The following OPCML variants were observed in gnomAD, a reference collection of about 807,000 sequenced individuals.
OPCML encodes opioid binding protein/cell adhesion molecule like, also known as opioid-binding protein/cell adhesion molecule.
In OPCML, 13 loss-of-function variants were observed where a neutral mutation model predicts 37.8. The observed-to-expected ratio is 0.34, with a 90% CI of 0.22 to 0.55. OPCML has a LOEUF of 0.55. Ranked by LOEUF, OPCML falls within the 20% of genes least tolerant of loss-of-function variation. The pLI, the probability that OPCML is intolerant of heterozygous loss-of-function variation, is 0.91. For synonymous variants in OPCML, 176 were observed against 168.8 expected, an observed-to-expected ratio of 1.04 and a Z score of -0.33; for missense variants, 341 against 435.6, an observed-to-expected ratio of 0.78 and a Z score of 1.93.
intron 3 of OPCML, among the ~76,000 whole-genome samples, chr11:132,653,747 G>C (rs138386036): frequency 6.6e-5 from 10 of 152,314 alleles, no homozygotes; most frequent in African/African-American, 2.4e-4. Flanking sequence ...TGGCAGGAGG[G>C]ATAAAGCTGA....
At chr11:132,629,793 C>T (rs1470570639) in intron 3 of OPCML, among the ~76,000 whole-genome samples, 5 of 151,912 alleles carry the variant, frequency 3.3e-5, no homozygotes, top group South Asian at 4.2e-4. Context: ...TAACTAGAAA[C>T]ATGTCAAGCA....
chr11:133,428,493 G>T (rs1946051265), intron 1 of OPCML, among the ~76,000 whole-genome samples: 1 of 152,142 alleles, frequency 6.6e-6, no homozygotes, highest in African/African-American at 2.4e-5. Context: ...GAACAATGTT[G>T]CTGATAGATA....
Position 132,749,841 on chromosome 11 carries a change from C to A in OPCML, c.147-92522G>T, listed in dbSNP as rs1945771009. On this transcript the variant is annotated intron_variant, in intron 2 of 7. Transcript: ENST00000524381. ...TTTTTAAAAAGGATAGTGAAACCTA[C>A]TTTAACCATTGAATTTGTTTATTTA... Among the ~76,000 whole-genome samples, 6 of 152,208 alleles carry A rather than the reference C, an allele frequency of 3.9e-5. No individual in the cohort carries two copies. The South Asian group carries it at 1.2e-3, about 32-fold the overall frequency.
chr11:132,503,353 G>T (rs1010064673), intron 4 of OPCML, among the ~76,000 whole-genome samples: 2 of 152,106 alleles, frequency 1.3e-5, no homozygotes, highest in Non-Finnish European at 2.9e-5. Context: ...AGCAGTCAGT[G>T]CACGTAGTAA....
intron 2 of OPCML, among the ~76,000 whole-genome samples, chr11:132,840,972 C>T (rs1024557682): frequency 6.6e-6 from 1 of 152,146 alleles, no homozygotes; most frequent in Non-Finnish European, 1.5e-5. Flanking sequence ...CACTGCCTCT[C>T]AGGGGCTGTG....
chr11:132,977,097 G>A (rs1011221198), intron 1 of OPCML, among the ~76,000 whole-genome samples: 1 of 152,170 alleles, frequency 6.6e-6, no homozygotes, highest in African/African-American at 2.4e-5. Flanking sequence ...TTATAGAAGT[G>A]GGATCATCAT....
chr11:132,923,119 C>T (rs1043521389), intron 2 of OPCML, among the ~76,000 whole-genome samples: 7 of 150,470 alleles, frequency 4.7e-5, no homozygotes, highest in Non-Finnish European at 8.9e-5. Flanking sequence ...ATAATATGGC[C>T]GGATAACCTG....
chr11:132,918,765 A>T (rs1368188408), intron 2 of OPCML, among the ~76,000 whole-genome samples: 1 of 151,864 alleles, frequency 6.6e-6, no homozygotes, highest in African/African-American at 2.4e-5. Flanking sequence ...CTTTTTCTCA[A>T]CTTACACGTG....
At chr11:133,129,886 T>C (rs1408973901) in intron 1 of OPCML, among the ~76,000 whole-genome samples, 1 of 151,880 alleles carries the variant, frequency 6.6e-6, no homozygotes, top group Non-Finnish European at 1.5e-5. Flanking sequence ...CCAGTCAGAA[T>C]GACAAAGCAA....
intron 4 of OPCML, among the ~76,000 whole-genome samples, chr11:132,494,513 C>T (rs1053791141): frequency 5.9e-5 from 9 of 152,034 alleles, no homozygotes; most frequent in African/African-American, 1.7e-4. Flanking sequence ...CTGCCTCTTT[C>T]CAGATTGATG....
At chr11:132,720,395 C>T (rs1433377029) in intron 2 of OPCML, among the ~76,000 whole-genome samples, 1 of 152,200 alleles carries the variant, frequency 6.6e-6, no homozygotes, top group East Asian at 1.9e-4. Flanking sequence ...CTACTTAGTG[C>T]AAGGAAAAGA....
At chr11:133,336,934 A>G (rs1051671280) in intron 1 of OPCML, among the ~76,000 whole-genome samples, 1 of 152,230 alleles carries the variant, frequency 6.6e-6, no homozygotes, top group Non-Finnish European at 1.5e-5. Context: ...ACAAATTGCT[A>G]CTTCATTATA....
intron 1 of OPCML, among the ~76,000 whole-genome samples, chr11:133,265,534 CATTA>C (rs1423764258): frequency 6.6e-6 from 1 of 152,144 alleles, no homozygotes; most frequent in African/African-American, 2.4e-5. Flanking sequence ...AGAAACTTAC[CATTA>C]ATTGTTTCTG....
At chr11:133,183,904 C>T (rs1414742968) in intron 1 of OPCML, among the ~76,000 whole-genome samples, 1 of 152,166 alleles carries the variant, frequency 6.6e-6, no homozygotes, top group Non-Finnish European at 1.5e-5. Flanking sequence ...CCATGATTTT[C>T]AATTACACCC....
At chr11:133,233,922 C>A (rs1394448043) in intron 1 of OPCML, among the ~76,000 whole-genome samples, 1 of 152,130 alleles carries the variant, frequency 6.6e-6, no homozygotes, top group Non-Finnish European at 1.5e-5. Context: ...ACCAATTGAC[C>A]AGCTCCCCAC....
intron 2 of OPCML, among the ~76,000 whole-genome samples, chr11:132,811,682 G>A (rs1939351228): frequency 6.6e-6 from 1 of 152,120 alleles, no homozygotes; most frequent in African/African-American, 2.4e-5. Context: ...ACCCCCAACA[G>A]CCTGCTGCCT....
chr11:133,003,575 A>G, intron 1 of OPCML: 3 of 878,522 alleles, frequency 3.4e-6, no homozygotes, highest in Non-Finnish European at 4.1e-6. Context: ...AACATTCGCA[A>G]GTTCCAGGAA....
chr11:133,083,025 C>T (rs1948760554), intron 1 of OPCML, among the ~76,000 whole-genome samples: 1 of 150,578 alleles, frequency 6.6e-6, no homozygotes, highest in South Asian at 2.1e-4. Context: ...GCGGACGCCC[C>T]AGCCGAGCCC....
At chr11:133,354,324 G>GA in intron 1 of OPCML, among the ~76,000 whole-genome samples, 1 of 2,510 alleles carries the variant, frequency 4.0e-4, no homozygotes, top group South Asian at 0.012. Flanking sequence ...AGTGGTGGTG[G>GA]TGGTGATGAT....
Sources: gnomAD v4.1 joint callset for allele counts (sites outside exome capture counted in the v4.1 genomes callset) on GRCh38, gnomAD v4.1.1 for gene constraint, MANE v1.5 for transcripts, NCBI Gene and HGNC (gene_info 2026-07-23, HGNC 2026-07-21) for gene names.